The following MAML3 variants were observed in gnomAD, a reference collection of about 807,000 sequenced individuals.
MAML3 encodes mastermind like transcriptional coactivator 3.
A neutral mutation model predicts 101.9 loss-of-function variants in MAML3; 27 were observed. The ratio of observed to expected loss-of-function variants is 0.27; its 90% CI spans 0.20 to 0.37. The LOEUF (loss-of-function observed/expected upper bound fraction) is 0.37, where lower values mean the gene tolerates loss of function less well. Among genes scored for constraint, MAML3 ranks in the 10% least tolerant of loss-of-function variants. The probability of loss-of-function intolerance (pLI) is 1.00; values close to 1 mark genes in which losing one functional copy is unlikely to be tolerated. For missense variants in MAML3, 1,316 were observed against 1,444.9 expected (o/e 0.91, Z 1.45); for synonymous variants, 501 against 555.9 (o/e 0.90, Z 1.39).
intron 2 of MAML3, among the ~76,000 whole-genome samples, chr4:139,853,128 G>A (rs1448272486): frequency 6.6e-6 from 1 of 152,114 alleles, no homozygotes; most frequent in Non-Finnish European, 1.5e-5. Flanking sequence ...GTCAGCCCTA[G>A]TATCCACACA....
At chr4:140,005,058 A>C (rs2110850258) in intron 1 of MAML3, among the ~76,000 whole-genome samples, 1 of 152,344 alleles carries the variant, frequency 6.6e-6, no homozygotes, top group East Asian at 1.9e-4. Flanking sequence ...CATTTTGGTT[A>C]AGTGTGCTGG....
At chr4:140,124,230 C>A (rs1257059258) in intron 1 of MAML3, among the ~76,000 whole-genome samples, 1 of 152,196 alleles carries the variant, frequency 6.6e-6, no homozygotes, top group Non-Finnish European at 1.5e-5. Context: ...CACCACACTA[C>A]GCACACTGTC....
chr4:139,859,091 T>G (rs1172066980), intron 2 of MAML3, among the ~76,000 whole-genome samples: 4 of 152,000 alleles, frequency 2.6e-5, no homozygotes, highest in African/African-American at 9.7e-5. Flanking sequence ...AAAACCACAC[T>G]CAAAAGCACC....
intron 1 of MAML3, among the ~76,000 whole-genome samples, chr4:139,937,839 A>G (rs1343640009): frequency 6.6e-6 from 1 of 152,202 alleles, no homozygotes; most frequent in African/African-American, 2.4e-5. Flanking sequence ...TTATGAATTT[A>G]GGAGAACTAC....
chr4:139,853,704 A>G (rs576551512), intron 2 of MAML3, among the ~76,000 whole-genome samples: 1 of 152,170 alleles, frequency 6.6e-6, no homozygotes, highest in African/African-American at 2.4e-5. Flanking sequence ...TTAATGGGGG[A>G]AGAAACTTCA....
intron 1 of MAML3, among the ~76,000 whole-genome samples, chr4:140,018,373 A>G (rs887202313): frequency 2.6e-5 from 4 of 152,210 alleles, no homozygotes; most frequent in Admixed American, 2.6e-4. Flanking sequence ...AGCATAAACT[A>G]TAATATTTTT....
chr4:139,783,482 G>C (rs1023472030), intron 2 of MAML3, among the ~76,000 whole-genome samples: 1 of 152,208 alleles, frequency 6.6e-6, no homozygotes, highest in African/African-American at 2.4e-5. Flanking sequence ...GGTAGTACCT[G>C]CTGGTGTGGG....
chr4:140,150,996 G>A (rs1729153693), intron 1 of MAML3, among the ~76,000 whole-genome samples: 1 of 151,878 alleles, frequency 6.6e-6, no homozygotes, highest in African/African-American at 2.4e-5. Flanking sequence ...GCGGAGAGGA[G>A]GGACGCGGGG....
At chr4:140,095,053 G>C (rs4863732) in intron 1 of MAML3, among the ~76,000 whole-genome samples, 37,207 of 152,154 alleles carry the variant, frequency 0.24, 5,898 homozygotes, top group East Asian at 0.45. Flanking sequence ...CCGCAGCCAG[G>C]CTGCAGCCAC....
chr4:139,836,981 G>C (rs1731265049), intron 2 of MAML3, among the ~76,000 whole-genome samples: 1 of 151,792 alleles, frequency 6.6e-6, no homozygotes, highest in African/African-American at 2.4e-5. Flanking sequence ...AATTAGCCGG[G>C]CTTGGTGGTG....
chr4:140,152,394 T>G (rs1173529537), intron 1 of MAML3, among the ~76,000 whole-genome samples: 1 of 150,886 alleles, frequency 6.6e-6, no homozygotes, highest in Admixed American at 6.6e-5. Flanking sequence ...CATCAATATT[T>G]CCACGCACCC....
intron 2 of MAML3, among the ~76,000 whole-genome samples, chr4:139,881,071 G>A (rs1429674870): frequency 2.0e-5 from 3 of 152,160 alleles, no homozygotes; most frequent in Non-Finnish European, 4.4e-5. Flanking sequence ...GATGATTCAA[G>A]CTAAACAACG....
At chr4:139,886,951 T>C (rs1314448215) in intron 2 of MAML3, among the ~76,000 whole-genome samples, 1 of 152,234 alleles carries the variant, frequency 6.6e-6, no homozygotes, top group Non-Finnish European at 1.5e-5. Flanking sequence ...GAAATAAACG[T>C]GCCTAAAAGG....
intron 1 of MAML3, among the ~76,000 whole-genome samples, chr4:140,006,095 C>A (rs1320809265): frequency 6.6e-6 from 1 of 152,090 alleles, no homozygotes; most frequent in Non-Finnish European, 1.5e-5. Context: ...ATATCGTGTG[C>A]CATGCAAGGG....
At position 140,123,092 on chromosome 4, in the gene MAML3, G is replaced by GTTT. The variant is rs58567442; in HGVS notation, c.468+29765_468+29767dup. ...AACTTCTTCTAGGTAAAGCTCTGCG[G>GTTT]TTTTTTTTTTTTTTTTGCTCTGTAG... On this transcript the variant is annotated intron_variant, in intron 1 of 4. Transcript: ENST00000509479. Among the ~76,000 whole-genome samples, 178 of 138,196 alleles carry GTTT rather than the reference G, an allele frequency of 1.3e-3. 2 individuals carry two copies. Among genetic ancestry groups the GTTT allele is most frequent in the East Asian group, 3.0e-3 (14 of 4,712 alleles). The allele number at this position is 138,196 out of a possible 152,430, so 90.7% of individuals were successfully genotyped here. A position where few individuals can be genotyped will look rare whatever the true frequency, so the allele number is the denominator to read the frequency against.
chr4:139,939,367 G>T (rs569346547), intron 1 of MAML3, among the ~76,000 whole-genome samples: 1 of 152,196 alleles, frequency 6.6e-6, no homozygotes, highest in South Asian at 2.1e-4. Context: ...ATGGCTAATA[G>T]AGTCTAAAAG....
intron 1 of MAML3, among the ~76,000 whole-genome samples, chr4:139,896,379 G>A (rs996986520): frequency 6.6e-6 from 1 of 152,148 alleles, no homozygotes; most frequent in Non-Finnish European, 1.5e-5. Context: ...ACTCTTTCCT[G>A]AGCATCAGCC....
intron 2 of MAML3, among the ~76,000 whole-genome samples, chr4:139,851,688 T>C (rs1731556407): frequency 6.6e-6 from 1 of 152,208 alleles, no homozygotes; most frequent in African/African-American, 2.4e-5. Flanking sequence ...TTTGTGTACA[T>C]GGCTTTAGGA....
chr4:139,725,147 C>T (rs889382518), intron 4 of MAML3, among the ~76,000 whole-genome samples: 6 of 152,158 alleles, frequency 3.9e-5, no homozygotes, highest in African/African-American at 1.4e-4. Flanking sequence ...ACATACAGTG[C>T]GCCCACTGCT....
Sources: gnomAD v4.1 joint callset for allele counts (sites outside exome capture counted in the v4.1 genomes callset) on GRCh38, gnomAD v4.1.1 for gene constraint, MANE v1.5 for transcripts, NCBI Gene and HGNC (gene_info 2026-07-23, HGNC 2026-07-21) for gene names.